The following ATRNL1 variants were observed in gnomAD, a reference collection of about 807,000 sequenced individuals.
ATRNL1 encodes attractin like 1.
In ATRNL1, 95 loss-of-function variants were observed where a neutral mutation model predicts 182.7. The ratio of observed to expected loss-of-function variants is 0.52; its 90% CI spans 0.44 to 0.62. The LOEUF is 0.62. ATRNL1 is among the 20% of genes least tolerant of loss of function. The pLI, the probability that ATRNL1 is intolerant of heterozygous loss-of-function variation, is 0.00. For synonymous variants in ATRNL1, 576 were observed against 568.3 expected, an observed-to-expected ratio of 1.01 and a Z score of -0.19; for missense variants, 1,471 against 1,679.5, an observed-to-expected ratio of 0.88 and a Z score of 2.17.
intron 8 of ATRNL1, among the ~76,000 whole-genome samples, chr10:115,192,822 T>C (rs1452329691): frequency 6.6e-6 from 1 of 152,100 alleles, no homozygotes; most frequent in African/African-American, 2.4e-5. Flanking sequence ...TTATTTCACT[T>C]GTAGCTATTT....
chr10:115,588,839 C>G (rs1407652586), intron 26 of ATRNL1, among the ~76,000 whole-genome samples: 1 of 152,196 alleles, frequency 6.6e-6, no homozygotes, highest in Non-Finnish European at 1.5e-5. Flanking sequence ...TCAAGAGCTT[C>G]CTATTCTTCC....
chr10:115,620,006 T>C (rs1857638998), intron 26 of ATRNL1, among the ~76,000 whole-genome samples: 1 of 152,234 alleles, frequency 6.6e-6, no homozygotes, highest in African/African-American at 2.4e-5. Context: ...TTAGTCGTTT[T>C]GTTAATCCAT....
At chr10:115,937,720 T>C (rs1589718209) in intron 28 of ATRNL1, among the ~76,000 whole-genome samples, 1 of 152,282 alleles carries the variant, frequency 6.6e-6, no homozygotes, top group East Asian at 1.9e-4. Context: ...AGGAAAAACA[T>C]TTAAACATCC....
rs568646996 is a variant in ATRNL1 at position 115,248,540 on chromosome 10, C to T, written c.1687+6815C>T. Reference sequence around the variant, plus strand: ...AATATAATTTATTAGTTCAAAACTACCAAAGCAACAGGACATATCATTGTA... The same window carrying T: ...AATATAATTTATTAGTTCAAAACTATCAAAGCAACAGGACATATCATTGTA... On this transcript the variant is annotated intron_variant, in intron 10 of 28. Transcript: ENST00000355044. 4.0e-4 allele frequency among the ~76,000 whole-genome samples: 61 copies of T among 152,174 alleles called. 2 individuals carry two copies. In the South Asian group the frequency reaches 0.012, roughly 30 times the overall value.
At chr10:115,453,874 C>T (rs968569149) in intron 21 of ATRNL1, among the ~76,000 whole-genome samples, 3 of 151,392 alleles carry the variant, frequency 2.0e-5, no homozygotes, top group Non-Finnish European at 2.9e-5. Context: ...GTGCAGCACA[C>T]CAGCATGGCA....
intron 6 of ATRNL1, among the ~76,000 whole-genome samples, chr10:115,164,412 A>G (rs1846942867): frequency 1.3e-5 from 2 of 152,144 alleles, no homozygotes; most frequent in Non-Finnish European, 2.9e-5. Context: ...TCATTATGGT[A>G]AACAGTGCGG....
At chr10:115,651,883 A>T (rs923304254) in intron 26 of ATRNL1, among the ~76,000 whole-genome samples, 4 of 152,146 alleles carry the variant, frequency 2.6e-5, no homozygotes, top group Non-Finnish European at 4.4e-5. Flanking sequence ...TGATATAGAG[A>T]ATTTGTAATT....
chr10:115,602,879 C>T (rs1220108277), intron 26 of ATRNL1, among the ~76,000 whole-genome samples: 2 of 149,476 alleles, frequency 1.3e-5, no homozygotes, highest in Non-Finnish European at 3.0e-5. Context: ...ATTGCAATCA[C>T]AAGTCCAGTC....
Position 115,521,471 on chromosome 10 carries a change from G to A in ATRNL1, c.3716+2147G>A, listed in dbSNP as rs1554985190. ...CCTGGTCTAAAAAAAACTTTTTGAT[G>A]CAGAATAGTCTGGAAGAAAATTCAC... On this transcript the variant is annotated intron_variant, in intron 25 of 28. Coordinates refer to ENST00000355044, the MANE Select transcript of ATRNL1 (RefSeq NM_207303.4). Among the ~76,000 whole-genome samples, 6 of 152,234 alleles carry A rather than the reference G, an allele frequency of 3.9e-5. 1 individual carries two copies. The East Asian group carries it at 1.2e-3, about 29-fold the overall frequency.
At chr10:115,547,828 TTC>T (rs1365570459) in intron 25 of ATRNL1, among the ~76,000 whole-genome samples, 1 of 152,308 alleles carries the variant, frequency 6.6e-6, no homozygotes, top group East Asian at 1.9e-4. Flanking sequence ...CATGGTGACT[TTC>T]TGTTGAAAGC....
intron 20 of ATRNL1, among the ~76,000 whole-genome samples, chr10:115,396,031 G>A (rs1421039952): frequency 3.3e-5 from 5 of 151,696 alleles, no homozygotes; most frequent in East Asian, 3.9e-4. Flanking sequence ...AGTCTATTAA[G>A]CATGGAAAAT....
intron 27 of ATRNL1, among the ~76,000 whole-genome samples, chr10:115,847,314 A>G (rs1162482355): frequency 6.6e-6 from 1 of 152,074 alleles, no homozygotes; most frequent in African/African-American, 2.4e-5. Flanking sequence ...GACTGTAGTT[A>G]ATACTGTTGT....
At chr10:115,863,236 G>A (rs782428378) in intron 28 of ATRNL1, among the ~76,000 whole-genome samples, 2 of 152,030 alleles carry the variant, frequency 1.3e-5, no homozygotes, top group South Asian at 2.1e-4. Flanking sequence ...AATGAAATAC[G>A]AACTGTAAAA....
chr10:115,101,804 C>T (rs187926437), intron 1 of ATRNL1, among the ~76,000 whole-genome samples: 10 of 152,250 alleles, frequency 6.6e-5, no homozygotes, highest in Admixed American at 4.6e-4. Flanking sequence ...AATTCACCAT[C>T]GACACCCTCT....
chr10:115,124,863 A>T (rs1489375447), intron 3 of ATRNL1, among the ~76,000 whole-genome samples: 2 of 152,312 alleles, frequency 1.3e-5, no homozygotes, highest in South Asian at 4.1e-4. Flanking sequence ...TGCAGTAGTC[A>T]TGCATTAGTG....
At chr10:115,684,654 C>G (rs1593063843) in intron 26 of ATRNL1, among the ~76,000 whole-genome samples, 1 of 151,430 alleles carries the variant, frequency 6.6e-6, no homozygotes, top group African/African-American at 2.4e-5. Context: ...TGTAATATAT[C>G]AATAAACTTG....
rs1254456867 is a variant in ATRNL1, at chr10:115,106,378, T to C, written c.293+12335T>C. Among the ~76,000 whole-genome samples, 4 of 152,282 alleles carry C rather than the reference T, an allele frequency of 2.6e-5. No individual in the cohort carries two copies. The East Asian group carries it at 5.8e-4, about 22-fold the overall frequency. On this transcript the variant is annotated intron_variant, in intron 1 of 28. Transcript: ENST00000355044. ...TCATAAATGGAAAAAACTTGCCTTG[T>C]CTCAGATGAGACCTTGGGGGTGCTG...
chr10:115,830,814 GT>G (rs1277073480), intron 27 of ATRNL1, among the ~76,000 whole-genome samples: 15 of 152,112 alleles, frequency 9.9e-5, no homozygotes, highest in Non-Finnish European at 2.9e-5. Context: ...CCTTTGGCCA[GT>G]TGTGCTAAGA....
intron 19 of ATRNL1, among the ~76,000 whole-genome samples, chr10:115,384,868 GAGT>G (rs1554952185): frequency 2.0e-5 from 3 of 148,844 alleles, no homozygotes; most frequent in African/African-American, 7.4e-5. Context: ...TTTTTTTGCT[GAGT>G]AGTATTTTAT....
Sources: gnomAD v4.1 joint callset for allele counts (sites outside exome capture counted in the v4.1 genomes callset) on GRCh38, gnomAD v4.1.1 for gene constraint, MANE v1.5 for transcripts, NCBI Gene and HGNC (gene_info 2026-07-23, HGNC 2026-07-21) for gene names.